Variants in CFAP36 observed in about 807,000 individuals in gnomAD.
The protein encoded by CFAP36 is cilia- and flagella-associated protein 36.
CFAP36 carries 37 observed loss-of-function variants against 50.5 expected under a neutral mutation model. That is an observed-to-expected ratio of 0.73 (90% CI 0.56 to 0.96). The LOEUF is 0.96. Among genes scored for constraint, CFAP36 ranks in the 50% least tolerant of loss-of-function variants. The probability of loss-of-function intolerance (pLI) is 0.00; values close to 1 mark genes in which losing one functional copy is unlikely to be tolerated. For synonymous variants in CFAP36, 138 were observed against 128.2 expected, an observed-to-expected ratio of 1.08 and a Z score of -0.52; for missense variants, 407 against 396.2, an observed-to-expected ratio of 1.03 and a Z score of -0.23.
At chr2:55,542,091 T>C (rs1684651801) in intron 7 of CFAP36, among the ~76,000 whole-genome samples, 1 of 152,218 alleles carries the variant, frequency 6.6e-6, no homozygotes, top group Non-Finnish European at 1.5e-5. Context: ...TGCTTTAGGT[T>C]TGTCTGTGCT....
At chr2:55,534,105 G>A (rs543599781) in intron 5 of CFAP36, 145 bp downstream of exon 5, 2 of 496,232 alleles carry the variant, frequency 4.0e-6, no homozygotes, top group African/African-American at 1.9e-5. Flanking sequence ...ATTTATGACT[G>A]TGGATATATT....
At chr2:55,535,676 A>C (rs1406498626) in intron 5 of CFAP36, 36 bp from the exon 6 acceptor site, 3 of 1,461,768 alleles carry the variant, frequency 2.1e-6, no homozygotes, top group Non-Finnish European at 2.7e-6. Context: ...CCAAAAAAGG[A>C]AATTTATCTT....
intron 6 of CFAP36, chr2:55,535,998 A>G (rs1348401332): frequency 5.6e-6 from 4 of 719,560 alleles, no homozygotes; most frequent in Non-Finnish European, 7.8e-6. Context: ...CAAACACCAC[A>G]TAGTACTAAT....
At chr2:55,535,409 G>T (rs896555016) in intron 5 of CFAP36, among the ~76,000 whole-genome samples, 1 of 152,192 alleles carries the variant, frequency 6.6e-6, no homozygotes, top group Non-Finnish European at 1.5e-5. Context: ...AATGGGATTT[G>T]CCATTCAAAT....
chr2:55,535,802 T>C, intron 6 of CFAP36, 39 bp downstream of exon 6: 1 of 1,534,186 alleles, frequency 6.5e-7, no homozygotes, highest in Non-Finnish European at 8.7e-7. Context: ...TTTATTGCTG[T>C]TATCTCTTAT....
At chr2:55,533,815 G>C (rs1249454614) in intron 4 of CFAP36, 58 bp from the exon 5 acceptor site, 2 of 1,034,288 alleles carry the variant, frequency 1.9e-6, no homozygotes, top group African/African-American at 1.6e-5. Context: ...AGAACAGTGA[G>C]AAATATATGT....
chr2:55,539,403 T>C (rs1224157923), intron 7 of CFAP36: 3 of 152,246 alleles, frequency 2.0e-5, no homozygotes, highest in Non-Finnish European at 4.4e-5. Context: ...TTCTTTCACT[T>C]AGTAATAATC....
In CFAP36 at chr2:55,522,739, G is replaced by A. The variant is rs574781428; in HGVS notation, c.180+573G>A. Among the ~76,000 whole-genome samples the A allele has an allele frequency of 7.2e-5, 11 of 152,218 alleles. No individual in the cohort carries two copies. The South Asian group carries it at 1.0e-3, about 14-fold the overall frequency. The stretch of plus-strand genomic sequence containing the variant: ...GAGCTCAAGTGATCCACCTGCCTGG[G>A]CCTCCCAAAGTGTTGGGTTTACAGG... On this transcript the variant is annotated intron_variant, in intron 2 of 9. Coordinates refer to ENST00000349456, the MANE Select transcript of CFAP36 (RefSeq NM_080667.7).
chr2:55,528,850 T>G, intron 3 of CFAP36, 28 bp from the exon 4 acceptor site: 1 of 1,410,836 alleles, frequency 7.1e-7, no homozygotes, highest in East Asian at 2.3e-5. Flanking sequence ...ACTTGAATCT[T>G]CATTTCACTT....
chr2:55,520,028 C>T, intron 1 of CFAP36, 112 bp downstream of exon 1: 1 of 939,490 alleles, frequency 1.1e-6, no homozygotes, highest in Non-Finnish European at 1.6e-6. Flanking sequence ...CTGTCTCCAC[C>T]CCTGTCGCAA....
chr2:55,544,087 C>A lies in CFAP36; in HGVS notation c.777+13C>A. 1 of 1,613,172 alleles carries A rather than the reference C, an allele frequency of 6.2e-7. No individual in the cohort carries two copies. Among genetic ancestry groups the A allele is most frequent in the Non-Finnish European group, 8.5e-7 (1 of 1,179,722 alleles). On this transcript the variant is annotated intron_variant, in intron 8 of 9. Coordinates refer to ENST00000349456, the MANE Select transcript of CFAP36 (RefSeq NM_080667.7). Reference sequence around the variant, plus strand: ...AGGACCAATAGCAGTAAGTAAACGACATCACTTAAGAACTATAAGCAAAAT... The same window carrying A: ...AGGACCAATAGCAGTAAGTAAACGAAATCACTTAAGAACTATAAGCAAAAT...
At position 55,534,658 on chromosome 2, in the gene CFAP36, A is replaced by T. The variant is rs568610610; in HGVS notation, c.485+698A>T. 1.4e-4 allele frequency among the ~76,000 whole-genome samples: 21 copies of T among 152,196 alleles called. 1 individual carries two copies. Among genetic ancestry groups the T allele is most frequent in the Middle Eastern group, 3.2e-3 (1 of 316 alleles). ...TAAATCTCCTGTGAGAATATATTAG[A>T]TTTAGGGCAAAAGGATGCCTATAAT... On this transcript the variant is annotated intron_variant, in intron 5 of 9. Coordinates refer to ENST00000349456, the MANE Select transcript of CFAP36 (RefSeq NM_080667.7).
At chr2:55,543,801 C>G in intron 7 of CFAP36, 137 bp from the exon 8 acceptor site, 1 of 820,810 alleles carries the variant, frequency 1.2e-6, no homozygotes, top group South Asian at 1.7e-5. Context: ...ACAGTATAGG[C>G]ACTGAATATA....
At chr2:55,533,774 A>T in intron 4 of CFAP36, 99 bp from the exon 5 acceptor site, 1 of 525,182 alleles carries the variant, frequency 1.9e-6, no homozygotes, top group Non-Finnish European at 3.4e-6. Context: ...TTACAGTGAT[A>T]GATCTGAAGG....
At chr2:55,543,898 C>G (rs1214727038) in intron 7 of CFAP36, 40 bp from the exon 8 acceptor site, 4 of 1,541,866 alleles carry the variant, frequency 2.6e-6, no homozygotes, top group Admixed American at 3.6e-5. Flanking sequence ...AAATATTTCT[C>G]ATAATATTCT....
Position 55,538,865 on chromosome 2 carries a change from A to T in CFAP36, c.640+1280A>T. On this transcript the variant is annotated intron_variant, in intron 7 of 9. Transcript: ENST00000349456. Reference sequence around the variant, plus strand: ...TCTGACACTAAATATATTCTTCTAAACCTTAGTTTAGAAGAACTTCTATAA... The same window carrying T: ...TCTGACACTAAATATATTCTTCTAATCCTTAGTTTAGAAGAACTTCTATAA... The T allele has an allele frequency of 1.3e-5, 19 of 1,502,578 alleles. No individual in the cohort carries two copies. The Admixed American group carries it at 1.8e-4, about 14-fold the overall frequency. 93.1% of individuals were successfully genotyped at this position (1,502,578 alleles called of 1,614,324 possible).
At chr2:55,535,617 ATTG>A (rs1684460524) in intron 5 of CFAP36, 92 bp from the exon 6 acceptor site, 4 of 933,952 alleles carry the variant, frequency 4.3e-6, no homozygotes, top group Non-Finnish European at 6.2e-6. Context: ...TGTGCCTTTT[ATTG>A]TAAGCTTAGG....
intron 3 of CFAP36, among the ~76,000 whole-genome samples, chr2:55,527,236 A>T (rs1684232162): frequency 6.6e-6 from 1 of 152,162 alleles, no homozygotes; most frequent in African/African-American, 2.4e-5. Context: ...ACCCTCTGTC[A>T]GTATTGGACA....
At chr2:55,543,068 T>TG (rs56179704) in intron 7 of CFAP36, among the ~76,000 whole-genome samples, 13,665 of 151,732 alleles carry the variant, frequency 0.09, 763 homozygotes, top group South Asian at 0.14. Context: ...CAAGGTATTT[T>TG]TTTTTTTTAA....
Sources: gnomAD v4.1 joint callset for allele counts (sites outside exome capture counted in the v4.1 genomes callset) on GRCh38, gnomAD v4.1.1 for gene constraint, MANE v1.5 for transcripts, NCBI Gene and HGNC (gene_info 2026-07-23, HGNC 2026-07-21) for gene names.